The following UGT2B11 variants were observed in gnomAD, a reference collection of about 807,000 sequenced individuals.
UGT2B11 encodes the protein UDP glucuronosyltransferase family 2 member B11, also known as UDP-glucuronosyltransferase 2B11.
A neutral mutation model predicts 51.7 loss-of-function variants in UGT2B11; 49 were observed. That is an observed-to-expected ratio of 0.95 (90% CI 0.75 to 1.20). The LOEUF is 1.20. UGT2B11 is among the 50% of genes most tolerant of loss of function. The pLI is 0.00. For missense variants in UGT2B11, 810 were observed against 622.1 expected (o/e 1.30, Z -3.21); for synonymous variants, 273 against 209.0 (o/e 1.31, Z -2.64).
At chr4:69,202,161 A>G (rs185758118) in intron 5 of UGT2B11, among the ~76,000 whole-genome samples, 330 of 151,868 alleles carry the variant, frequency 2.2e-3, no homozygotes, top group Non-Finnish European at 3.6e-3. Flanking sequence ...ACCACAGATT[A>G]TGTCTTCATT....
Position 69,208,459 on chromosome 4 carries a change from G to C in UGT2B11, c.894C>G (p.Ser298Arg). The change falls in exon 3 of 6, where the codon AGC (serine) becomes AGG (arginine). Residue 298 changes from serine (S) to arginine (R), a missense_variant. Ser to Arg is a moderately radical substitution (Grantham distance 110). Transcript: ENST00000446444. Reference protein sequence around the residue: ...LPKEMEEFVQSSGENGVVVFS... With the variant: ...LPKEMEEFVQRSGENGVVVFS... ...ACACCACAACACCATTTTCTCCAGA[G>C]CTCTGTACAAACTCCTCCATTTCCT... The C allele has an allele frequency of 6.2e-7, 1 of 1,609,048 alleles. No homozygotes were observed. Among genetic ancestry groups the C allele is most frequent in the Non-Finnish European group, 8.5e-7 (1 of 1,177,886 alleles).
chr4:69,218,837 A>G (rs1306480938), upstream of UGT2B11, among the ~76,000 whole-genome samples: 3 of 152,144 alleles, frequency 2.0e-5, no homozygotes, highest in Non-Finnish European at 2.9e-5. Flanking sequence ...ACCTATTCAC[A>G]AAAGTCCCTG....
At chr4:69,219,577 T>A (rs574586522), upstream of UGT2B11, among the ~76,000 whole-genome samples, 1 of 152,194 alleles carries the variant, frequency 6.6e-6, no homozygotes, top group East Asian at 1.9e-4. Flanking sequence ...TTTAGTAGAT[T>A]CACAGTTACA....
intron 5 of UGT2B11, among the ~76,000 whole-genome samples, chr4:69,203,370 A>C (rs530560564): frequency 6.6e-6 from 1 of 151,726 alleles, no homozygotes; most frequent in African/African-American, 2.4e-5. Context: ...TCTGGCAACA[A>C]TGTGGAGGAA....
chr4:69,219,633 G>A (rs1320271690), upstream of UGT2B11, among the ~76,000 whole-genome samples: 1 of 152,126 alleles, frequency 6.6e-6, no homozygotes, highest in African/African-American at 2.4e-5. Flanking sequence ...CAAATGAGAA[G>A]CAATGTTATG....
chr4:69,206,352 C>T (rs979976918), intron 3 of UGT2B11, among the ~76,000 whole-genome samples: 24 of 151,554 alleles, frequency 1.6e-4, no homozygotes, highest in Non-Finnish European at 3.2e-4. Flanking sequence ...AGGCCGTTAG[C>T]CTTAGGAAAC....
chr4:69,224,194 C>T, the UGT2B11 span, among the ~76,000 whole-genome samples: 5 of 151,966 alleles, frequency 3.3e-5, no homozygotes, highest in Admixed American at 2.0e-4. Flanking sequence ...ACCTTGCTTG[C>T]GAGATGAGGA....
At chr4:69,219,274 C>A (rs1417112326), upstream of UGT2B11, among the ~76,000 whole-genome samples, 1 of 152,040 alleles carries the variant, frequency 6.6e-6, no homozygotes, top group Non-Finnish European at 1.5e-5. Context: ...GTCCCTGCCC[C>A]ATTTTTTAAT....
intron 2 of UGT2B11, among the ~76,000 whole-genome samples, chr4:69,210,052 T>C (rs1722001195): frequency 6.6e-6 from 1 of 151,588 alleles, no homozygotes; most frequent in Admixed American, 6.6e-5. Context: ...GTGACACTTA[T>C]TTAGAAAATT....
chr4:69,204,559 G>A lies in UGT2B11; in HGVS notation c.1181C>T (p.Pro394Leu). ...GTTATCAGGTTGATCAAAAAACAAT[G>A]GAATGCCCACCATAGGGATCCCATG... ...IYHGIPMVGI[P>L]LFFDQPDNIA... The change falls in exon 5 of 6, where the codon CCA becomes CTA. Residue 394 changes from proline (P) to leucine (L), a missense_variant. Transcript: ENST00000446444. 1.9e-6 allele frequency: 3 copies of A among 1,612,250 alleles called. No individual in the cohort carries two copies. The highest frequency in any genetic ancestry group is 1.7e-6 in the Non-Finnish European group (2 of 1,178,868).
chr4:69,213,324 C>T (rs550945206), intron 1 of UGT2B11, among the ~76,000 whole-genome samples: 1 of 151,666 alleles, frequency 6.6e-6, no homozygotes, highest in African/African-American at 2.4e-5. Flanking sequence ...CTGTACTCAA[C>T]CTTAATCTGT....
Position 69,208,380 on chromosome 4 carries a change from C to T in UGT2B11, c.973G>A (p.Ala325Thr), listed in dbSNP as rs1577963148. 1.2e-6 allele frequency: 2 copies of T among 1,611,136 alleles called. No individual in the cohort carries two copies. The highest frequency in any genetic ancestry group is 1.7e-6 in the Non-Finnish European group (2 of 1,178,136). Residue 325 changes from alanine (A) to threonine (T), a missense_variant, in exon 3 of 6, where the codon GCA becomes ACA. Transcript: ENST00000446444. ...TGTGGGATCTTGGCAAGGGCTGTTG[C>T]AATTACATTGGCCCTTTCTGCTGTC... ...NMTAERANVI[A>T]TALAKIPQKV...
chr4:69,215,048 A>T (rs772434334), upstream of UGT2B11: 6 of 230,960 alleles, frequency 2.6e-5, no homozygotes, highest in Non-Finnish European at 5.0e-5. Flanking sequence ...CCCTTGACAC[A>T]GAATAAGAGA....
the UGT2B11 span, among the ~76,000 whole-genome samples, chr4:69,224,207 G>C: frequency 6.6e-6 from 1 of 152,162 alleles, no homozygotes; most frequent in African/African-American, 2.4e-5. Context: ...GATGAGGAAA[G>C]AAGTCTGGCC....
upstream of UGT2B11, among the ~76,000 whole-genome samples, chr4:69,217,055 T>A (rs1457802202): frequency 6.6e-6 from 1 of 152,180 alleles, no homozygotes; most frequent in African/African-American, 2.4e-5. Flanking sequence ...TCCAAACAGA[T>A]ATGTTTTAAG....
intron 2 of UGT2B11, among the ~76,000 whole-genome samples, chr4:69,210,754 C>T (rs1432398826): frequency 6.6e-6 from 1 of 151,518 alleles, no homozygotes; most frequent in Non-Finnish European, 1.5e-5. Flanking sequence ...AAAGCCCATA[C>T]AATTTGCATT....
rs750826122 is a variant in UGT2B11 at position 69,200,504 on chromosome 4, G to T, written c.1526C>A (p.Thr509Lys). The T allele has an allele frequency of 2.5e-6, 4 of 1,611,858 alleles. No individual in the cohort carries two copies. The highest frequency in any genetic ancestry group is 3.4e-6 in the Non-Finnish European group (4 of 1,178,782). Residue 509 changes from threonine (T) to lysine (K), a missense_variant, in exon 6 of 6, where the codon ACA becomes AAA. Physicochemically the swap from Thr to Lys is moderately conservative, Grantham distance 78 (BLOSUM62 -1). Transcript: ENST00000446444. ...ACVATVIFII[T>K]KFCLFCFWKF... ...CCAGAAACAAAACAGACAAAACTTT[G>T]TGATGATAAATATCACAGTTGCCAC...
chr4:69,203,489 C>T (rs1264910895), intron 5 of UGT2B11, among the ~76,000 whole-genome samples: 1 of 151,688 alleles, frequency 6.6e-6, no homozygotes, highest in African/African-American at 2.4e-5. Flanking sequence ...GCAGCAATTC[C>T]ACTTATAGTA....
At chr4:69,222,788 G>T in the UGT2B11 span, among the ~76,000 whole-genome samples, 3 of 152,164 alleles carry the variant, frequency 2.0e-5, no homozygotes, top group Non-Finnish European at 4.4e-5. Context: ...AGTGAGAAGG[G>T]GGCATGCACA....
Sources: allele counts gnomAD v4.1 joint callset (sites outside exome capture counted in the v4.1 genomes callset), GRCh38; gene constraint gnomAD v4.1.1; transcripts MANE v1.5; gene names NCBI Gene and HGNC (gene_info 2026-07-23, HGNC 2026-07-21).